KIAA0825: variants seen among roughly 807,000 people sequenced by gnomAD.
The protein encoded by KIAA0825 is uncharacterized protein KIAA0825.
KIAA0825 carries 119 observed loss-of-function variants against 147.6 expected under a neutral mutation model. The ratio of observed to expected loss-of-function variants is 0.81; its 90% CI spans 0.69 to 0.94. The LOEUF (loss-of-function observed/expected upper bound fraction) is 0.94. Among genes scored for constraint, KIAA0825 ranks in the 40% least tolerant of loss-of-function variants. The pLI is 0.00. For missense variants in KIAA0825, 1,381 were observed against 1,472.7 expected (o/e 0.94, Z 1.02); for synonymous variants, 470 against 518.1 (o/e 0.91, Z 1.26).
At chr5:94,293,985 A>G (rs1251124117) in intron 20 of KIAA0825, among the ~76,000 whole-genome samples, 1 of 152,022 alleles carries the variant, frequency 6.6e-6, no homozygotes, top group East Asian at 1.9e-4. Context: ...TGCTTGGTAA[A>G]TATTCCTCCA....
At chr5:94,378,498 T>C (rs966557753) in intron 20 of KIAA0825, among the ~76,000 whole-genome samples, 1 of 151,868 alleles carries the variant, frequency 6.6e-6, no homozygotes, top group Non-Finnish European at 1.5e-5. Flanking sequence ...CTTTATGCAG[T>C]CTACCATTGA....
intron 18 of KIAA0825, among the ~76,000 whole-genome samples, chr5:94,387,425 G>T (rs1749307008): frequency 2.0e-5 from 3 of 152,158 alleles, no homozygotes; most frequent in South Asian, 2.1e-4. Context: ...TGGGTGCAGT[G>T]GTTCACACCT....
chr5:94,433,135 A>T (rs1006178733), intron 14 of KIAA0825, among the ~76,000 whole-genome samples: 1 of 152,030 alleles, frequency 6.6e-6, no homozygotes, highest in African/African-American at 2.4e-5. Flanking sequence ...CCGGGTTGAC[A>T]TCCTGCCTCA....
At chr5:94,502,991 C>T (rs978045977) in intron 5 of KIAA0825, among the ~76,000 whole-genome samples, 2 of 151,074 alleles carry the variant, frequency 1.3e-5, no homozygotes, top group Non-Finnish European at 2.9e-5. Context: ...CGCCCGTAAT[C>T]CCAGTTACTC....
At chr5:94,448,114 T>C (rs1757956604) in intron 13 of KIAA0825, among the ~76,000 whole-genome samples, 1 of 151,458 alleles carries the variant, frequency 6.6e-6, no homozygotes, top group Non-Finnish European at 1.5e-5. Flanking sequence ...CAATATGGTA[T>C]CTGTGTTAAC....
intron 20 of KIAA0825, among the ~76,000 whole-genome samples, chr5:94,347,252 G>A (rs575407331): frequency 4.6e-5 from 7 of 152,298 alleles, no homozygotes; most frequent in South Asian, 2.1e-4. Context: ...GCATATAATC[G>A]GGAGTTCTAG....
chr5:94,235,777 A>G (rs952305482), intron 20 of KIAA0825, among the ~76,000 whole-genome samples: 1 of 152,172 alleles, frequency 6.6e-6, no homozygotes, highest in African/African-American at 2.4e-5. Flanking sequence ...ATGTTCATTT[A>G]CCATTCCAAA....
chr5:94,357,913 T>TA (rs797020446), intron 20 of KIAA0825, among the ~76,000 whole-genome samples: 7,068 of 138,140 alleles, frequency 0.051, 557 homozygotes, highest in African/African-American at 0.17. Context: ...AGAGTAACAT[T>TA]AAAAAAAAAA....
intron 2 of KIAA0825, among the ~76,000 whole-genome samples, chr5:94,573,179 T>C (rs192824398): frequency 1.3e-5 from 2 of 151,952 alleles, no homozygotes; most frequent in East Asian, 3.9e-4. Context: ...CTGGTGACAA[T>C]TGGTTGAGTT....
rs1384998388 is a variant in KIAA0825 at position 94,464,931 on chromosome 5, C to T, written c.2001G>A (p.Leu667=). The change falls in exon 11 of 21, where the codon TTG becomes TTA. Residue 667 remains leucine (L), a synonymous_variant. Coordinates refer to ENST00000682413, the MANE Select transcript of KIAA0825 (RefSeq NM_001145678.3). ...GAGCGTATCTGGAGGCCAGTAGACTCAAAGATTTCTCCAGCACTTCCACTA... is the reference window on the plus strand; with the variant it reads ...GAGCGTATCTGGAGGCCAGTAGACTTAAAGATTTCTCCAGCACTTCCACTA... ...EILVEVLEKS[L]SLLASRYARA... 1.9e-6 allele frequency: 3 copies of T among 1,551,654 alleles called. No individual in the cohort carries two copies. The highest frequency in any genetic ancestry group is 8.7e-7 in the Non-Finnish European group (1 of 1,146,964).
At chr5:94,310,800 T>C (rs1037233120) in intron 20 of KIAA0825, among the ~76,000 whole-genome samples, 1 of 151,714 alleles carries the variant, frequency 6.6e-6, no homozygotes, top group South Asian at 2.1e-4. Context: ...CCATTATGTA[T>C]AATATATAAT....
intron 2 of KIAA0825, among the ~76,000 whole-genome samples, chr5:94,550,278 C>T (rs1437348811): frequency 6.6e-6 from 1 of 152,134 alleles, no homozygotes; most frequent in African/African-American, 2.4e-5. Flanking sequence ...TGGACTTCCC[C>T]AGGGTGAACT....
At chr5:94,527,853 A>G (rs1391680451) in intron 3 of KIAA0825, among the ~76,000 whole-genome samples, 1 of 152,048 alleles carries the variant, frequency 6.6e-6, no homozygotes, top group Admixed American at 6.6e-5. Flanking sequence ...TCAGGTAATT[A>G]ATAGGGAAGA....
At chr5:94,591,661 T>C (rs1784381010) in intron 1 of KIAA0825, among the ~76,000 whole-genome samples, 1 of 152,232 alleles carries the variant, frequency 6.6e-6, no homozygotes, top group Non-Finnish European at 1.5e-5. Context: ...ACTACTTGAC[T>C]GACATTCAAA....
At chr5:94,502,272 T>C (rs1765187012) in intron 5 of KIAA0825, among the ~76,000 whole-genome samples, 2 of 152,156 alleles carry the variant, frequency 1.3e-5, no homozygotes, top group South Asian at 4.1e-4. Context: ...GAAGAAAAAT[T>C]AATATTTTTC....
Position 94,292,796 on chromosome 5 carries a change from A to G in KIAA0825, c.3710+91572T>C, listed in dbSNP as rs575368885. Among the ~76,000 whole-genome samples the G allele has an allele frequency of 9.9e-5, 15 of 152,200 alleles. No homozygotes were observed. In the East Asian group the frequency reaches 2.9e-3, roughly 29 times the overall value. On this transcript the variant is annotated intron_variant, in intron 20 of 20. Transcript: ENST00000682413. ...TACTGCCTCAATTTCAGAACTTGTT[A>G]TTGGTCTATTCAGGGATTCAACTTT...
intron 20 of KIAA0825, among the ~76,000 whole-genome samples, chr5:94,302,606 AT>A (rs1445677897): frequency 2.0e-5 from 3 of 151,950 alleles, no homozygotes; most frequent in Non-Finnish European, 4.4e-5. Context: ...GGATAAAGAC[AT>A]TTTTTTCTCT....
chr5:94,468,673 T>G (rs1760846647), intron 10 of KIAA0825, among the ~76,000 whole-genome samples: 1 of 152,182 alleles, frequency 6.6e-6, no homozygotes, highest in African/African-American at 2.4e-5. Flanking sequence ...AGCTTCTTAT[T>G]AGCTGCTCCT....
At chr5:94,508,353 T>C (rs1464313389) in intron 5 of KIAA0825, among the ~76,000 whole-genome samples, 1 of 152,164 alleles carries the variant, frequency 6.6e-6, no homozygotes, top group Non-Finnish European at 1.5e-5. Context: ...TGCTAGCATT[T>C]TTTTAACAGT....
Sources: allele counts gnomAD v4.1 joint callset (sites outside exome capture counted in the v4.1 genomes callset), GRCh38; gene constraint gnomAD v4.1.1; transcripts MANE v1.5; gene names NCBI Gene and HGNC (gene_info 2026-07-23, HGNC 2026-07-21).